The following CNTLN variants were observed in gnomAD, a reference collection of about 807,000 sequenced individuals.
CNTLN encodes the protein centlein, centrosomal protein.
Under a neutral mutation model 180.0 loss-of-function variants are expected in CNTLN, and 212 were observed. That is an observed-to-expected ratio of 1.18 (90% CI 1.05 to 1.32). CNTLN has a LOEUF of 1.32. Among genes scored for constraint, CNTLN ranks in the 40% most tolerant of loss-of-function variants. The pLI is 0.00. For synonymous variants in CNTLN, 722 were observed against 563.1 expected (o/e 1.28, Z -3.99); for missense variants, 2,095 against 1,610.9 (o/e 1.30, Z -5.14).
At chr9:17,221,055 T>A (rs568527403) in intron 2 of CNTLN, among the ~76,000 whole-genome samples, 1 of 152,292 alleles carries the variant, frequency 6.6e-6, no homozygotes, top group African/African-American at 2.4e-5. Flanking sequence ...ATGCTTTGAC[T>A]TTCATGATCT....
In CNTLN at chr9:17,236,395, G is replaced by T. The variant is rs564357249; in HGVS notation, c.670-14G>T. ...TTTGTTTTATTTATTTGCCCTTGTG[G>T]TACTGTTCTACAGGACACTAAGGAG... is the stretch of plus-strand genomic sequence containing the variant. On this transcript the variant is annotated splice_polypyrimidine_tract_variant and intron_variant, in intron 4 of 25. Transcript: ENST00000380647. 3 of 1,556,430 alleles carry T rather than the reference G, an allele frequency of 1.9e-6. No homozygotes were observed. The highest frequency in any genetic ancestry group is 2.6e-6 in the Non-Finnish European group (3 of 1,157,380).
At chr9:17,343,438 A>C (rs1821636463) in intron 12 of CNTLN, among the ~76,000 whole-genome samples, 1 of 152,174 alleles carries the variant, frequency 6.6e-6, no homozygotes, top group Non-Finnish European at 1.5e-5. Context: ...ACTACATGAT[A>C]ACATGTATAA....
intron 2 of CNTLN, among the ~76,000 whole-genome samples, chr9:17,192,032 G>A (rs1821819213): frequency 6.6e-6 from 1 of 152,064 alleles, no homozygotes; most frequent in Non-Finnish European, 1.5e-5. Context: ...ATTTTACAAA[G>A]AAGTATATTC....
At chr9:17,511,919 A>C in the CNTLN span, among the ~76,000 whole-genome samples, 1 of 152,196 alleles carries the variant, frequency 6.6e-6, no homozygotes, top group Non-Finnish European at 1.5e-5. Flanking sequence ...GATGCAGCTT[A>C]TGGGTTGCAA....
chr9:17,314,646 C>T (rs890454477), intron 8 of CNTLN, among the ~76,000 whole-genome samples: 2 of 152,142 alleles, frequency 1.3e-5, no homozygotes, highest in African/African-American at 2.4e-5. Flanking sequence ...AGTCTCCTAA[C>T]GTTATTTCTG....
chr9:17,441,440 A>G (rs1350317239), intron 18 of CNTLN, among the ~76,000 whole-genome samples: 1 of 151,912 alleles, frequency 6.6e-6, no homozygotes, highest in Non-Finnish European at 1.5e-5. Context: ...AAGTAAACGT[A>G]TGAATATTTT....
chr9:17,502,309 T>C (rs901973667), intron 25 of CNTLN, among the ~76,000 whole-genome samples: 1 of 152,238 alleles, frequency 6.6e-6, no homozygotes, highest in Non-Finnish European at 1.5e-5. Flanking sequence ...CAGTAAACCA[T>C]GAATTGTTCA....
intron 12 of CNTLN, among the ~76,000 whole-genome samples, chr9:17,352,416 A>ATT (rs869286111): frequency 8.0e-4 from 25 of 31,286 alleles, no homozygotes; most frequent in African/African-American, 2.4e-3. Context: ...ATATATATAT[A>ATT]TTTTTTTTTT....
intron 2 of CNTLN, among the ~76,000 whole-genome samples, chr9:17,196,309 C>T (rs1258028436): frequency 5.3e-5 from 8 of 152,142 alleles, no homozygotes; most frequent in Admixed American, 4.6e-4. Context: ...CAGGCATGAG[C>T]CACCAGGCCC....
rs55691769 is a variant in CNTLN, at chr9:17,149,512, C to CTTTTTT, written c.449+6153_449+6158dup. Among the ~76,000 whole-genome samples the CTTTTTT allele has an allele frequency of 3.5e-4, 37 of 106,140 alleles. 1 individual carries two copies. The highest frequency in any genetic ancestry group is 7.9e-4 in the African/African-American group (21 of 26,426). The allele number at this position is 106,140 out of a possible 152,430, so 69.6% of individuals were successfully genotyped here. A position where few individuals can be genotyped will look rare whatever the true frequency, so the allele number is the denominator to read the frequency against. ...CTGACTTTTTTTATTTTCTTTCTTT[C>CTTTTTT]TTTTTTTTTTTTTTTTTTTTTTAGA... On this transcript the variant is annotated intron_variant, in intron 2 of 25. Coordinates refer to ENST00000380647, the MANE Select transcript of CNTLN (RefSeq NM_017738.4).
At chr9:17,194,471 C>T (rs1056267581) in intron 2 of CNTLN, among the ~76,000 whole-genome samples, 6 of 152,170 alleles carry the variant, frequency 3.9e-5, no homozygotes, top group Admixed American at 2.0e-4. Flanking sequence ...GGCAAAATGC[C>T]GCCAGTTTCT....
intron 23 of CNTLN, among the ~76,000 whole-genome samples, chr9:17,482,156 T>G (rs1832681944): frequency 6.6e-6 from 1 of 151,994 alleles, no homozygotes; most frequent in African/African-American, 2.4e-5. Flanking sequence ...TAAAGTTCAG[T>G]CAACTATGAG....
chr9:17,261,204 G>T (rs1214880460), intron 5 of CNTLN, among the ~76,000 whole-genome samples: 1 of 151,348 alleles, frequency 6.6e-6, no homozygotes, highest in Non-Finnish European at 1.5e-5. Flanking sequence ...TTGTAATTCT[G>T]TCAAAAGTGA....
intron 6 of CNTLN, among the ~76,000 whole-genome samples, chr9:17,280,604 G>T (rs1007223009): frequency 1.3e-5 from 2 of 152,122 alleles, no homozygotes; most frequent in Non-Finnish European, 2.9e-5. Flanking sequence ...AGTAATTCGA[G>T]GTAATGCATT....
intron 13 of CNTLN, among the ~76,000 whole-genome samples, chr9:17,384,754 C>T (rs1414018393): frequency 6.6e-6 from 1 of 152,110 alleles, no homozygotes; most frequent in Admixed American, 6.5e-5. Flanking sequence ...GCCTATTTAT[C>T]CCCAATTCAC....
intron 16 of CNTLN, among the ~76,000 whole-genome samples, chr9:17,411,054 T>A (rs1463791046): frequency 6.6e-6 from 1 of 152,136 alleles, no homozygotes; most frequent in Non-Finnish European, 1.5e-5. Context: ...TGATAGTGAC[T>A]CTATTAACCT....
intron 2 of CNTLN, chr9:17,166,751 GT>G (rs1563841374): frequency 1.0e-5 from 3 of 287,508 alleles, no homozygotes; most frequent in Non-Finnish European, 2.1e-5. Flanking sequence ...TATTAATCAA[GT>G]TTAAAGTAAT....
At chr9:17,275,151 T>C (rs981543485) in intron 6 of CNTLN, among the ~76,000 whole-genome samples, 3 of 152,150 alleles carry the variant, frequency 2.0e-5, no homozygotes, top group Non-Finnish European at 4.4e-5. Flanking sequence ...TCTTATCCTC[T>C]TCCTAGTAAG....
intron 15 of CNTLN, among the ~76,000 whole-genome samples, chr9:17,398,402 G>C (rs1826698740): frequency 6.6e-6 from 1 of 152,096 alleles, no homozygotes; most frequent in African/African-American, 2.4e-5. Flanking sequence ...AGAAAGTGAT[G>C]GGGGGAGGGG....
Sources: gnomAD v4.1 joint callset for allele counts (sites outside exome capture counted in the v4.1 genomes callset) on GRCh38, gnomAD v4.1.1 for gene constraint, MANE v1.5 for transcripts, NCBI Gene and HGNC (gene_info 2026-07-23, HGNC 2026-07-21) for gene names.